Variants in LAMA2 observed in about 807,000 individuals in gnomAD.
The protein encoded by LAMA2 is laminin subunit alpha-2.
A neutral mutation model predicts 364.8 loss-of-function variants in LAMA2; 269 were observed. The ratio of observed to expected loss-of-function variants is 0.74; its 90% CI spans 0.67 to 0.82. The LOEUF is 0.82. Ranked by LOEUF, LAMA2 falls within the 40% of genes least tolerant of loss-of-function variation. The pLI is 0.00. For synonymous variants in LAMA2, 1,379 were observed against 1,370.6 expected (o/e 1.01, Z -0.14); for missense variants, 3,807 against 3,873.2 (o/e 0.98, Z 0.45).
rs147220630 is a variant in LAMA2 at position 129,055,294 on chromosome 6, C to T, written c.284-4490C>T. Among the ~76,000 whole-genome samples the T allele has an allele frequency of 2.2e-4, 33 of 151,716 alleles. No individual in the cohort carries two copies. In the East Asian group the frequency reaches 4.1e-3, roughly 19 times the overall value. ...GCAACCTTCGCCTCCCAGGTTCAAG[C>T]GATTCTCAAGCCTCAGCCTCCTGAG... On this transcript the variant is annotated intron_variant, in intron 2 of 64. Transcript: ENST00000421865.
chr6:129,144,272 G>C (rs1032230559), intron 5 of LAMA2, among the ~76,000 whole-genome samples, 192 bp downstream of exon 5: 4 of 151,898 alleles, frequency 2.6e-5, no homozygotes, highest in Non-Finnish European at 5.9e-5. Context: ...GATCCAAGCT[G>C]TGCCGCTTAT....
chr6:129,308,200 A>AT (rs1325950320), intron 22 of LAMA2, among the ~76,000 whole-genome samples: 1 of 152,218 alleles, frequency 6.6e-6, no homozygotes, highest in Non-Finnish European at 1.5e-5. Flanking sequence ...AGAGAGCTAC[A>AT]TTTTTAGAAA....
intron 4 of LAMA2, among the ~76,000 whole-genome samples, chr6:129,122,914 T>A (rs1449085524): frequency 6.6e-6 from 1 of 152,106 alleles, no homozygotes; most frequent in African/African-American, 2.4e-5. Flanking sequence ...TTAAATAAGA[T>A]AAGCTTAAAT....
At chr6:129,138,041 G>A (rs115568340) in intron 4 of LAMA2, among the ~76,000 whole-genome samples, 1,655 of 152,094 alleles carry the variant, frequency 0.011, 13 homozygotes, top group Non-Finnish European at 0.017. Context: ...TGTGTAAATG[G>A]CAAGCAGTGA....
Position 129,486,637 on chromosome 6 carries a change from A to T in LAMA2, c.7898+15A>T. The T allele has an allele frequency of 6.2e-7, 1 of 1,609,100 alleles. No homozygotes were observed. The highest frequency in any genetic ancestry group is 2.2e-5 in the East Asian group (1 of 44,792). ...CGAACTAGAGGGTAACAATAGCACT[A>T]AAATATTTATTATTGTAACTCAGGT... is the stretch of plus-strand genomic sequence containing the variant. On this transcript the variant is annotated intron_variant, in intron 56 of 64. Transcript: ENST00000421865.
chr6:128,936,044 C>T (rs550141806), intron 1 of LAMA2, among the ~76,000 whole-genome samples: 4 of 152,306 alleles, frequency 2.6e-5, no homozygotes, highest in African/African-American at 7.2e-5. Flanking sequence ...AGGGGCTCTT[C>T]CCCCTTCGCT....
chr6:129,199,492 A>G (rs1782047141), intron 12 of LAMA2, among the ~76,000 whole-genome samples: 1 of 152,200 alleles, frequency 6.6e-6, no homozygotes, highest in Non-Finnish European at 1.5e-5. Flanking sequence ...AGATGTGGAC[A>G]GTGCAGTAGA....
At chr6:128,981,652 AG>A in intron 1 of LAMA2, among the ~76,000 whole-genome samples, 1 of 151,278 alleles carries the variant, frequency 6.6e-6, no homozygotes. Context: ...CAGGAGGCTG[AG>A]GTGGGAGGAT....
chr6:129,314,535 G>A, intron 23 of LAMA2, 120 bp from the exon 24 acceptor site: 2 of 829,246 alleles, frequency 2.4e-6, no homozygotes, highest in Admixed American at 2.0e-5. Flanking sequence ...CTAATACTCA[G>A]TGTTCTTCTG....
In LAMA2 at chr6:129,288,082, C is replaced by A. The variant is rs886038292; in HGVS notation, c.2749+24C>A. ...GCGTAAGTCCTGAACTATTGATGCC[C>A]CTGACAGAATTGATGTATTGTACCT... On this transcript the variant is annotated intron_variant, in intron 19 of 64. Transcript: ENST00000421865. 7 of 1,592,822 alleles carry A rather than the reference C, an allele frequency of 4.4e-6. No individual in the cohort carries two copies. In the Admixed American group the frequency reaches 5.0e-5, roughly 11 times the overall value.
intron 34 of LAMA2, among the ~76,000 whole-genome samples, chr6:129,373,518 A>G (rs1343969001): frequency 1.3e-5 from 2 of 152,128 alleles, no homozygotes; most frequent in Admixed American, 1.3e-4. Flanking sequence ...TTGAAATATT[A>G]CCATTAACCC....
chr6:129,475,828 CTG>C (rs544978924), intron 53 of LAMA2, among the ~76,000 whole-genome samples: 4 of 152,148 alleles, frequency 2.6e-5, no homozygotes, highest in Non-Finnish European at 5.9e-5. Flanking sequence ...AAGAATCAAA[CTG>C]TGCTCTCACA....
intron 1 of LAMA2, among the ~76,000 whole-genome samples, chr6:128,998,446 G>A (rs1314956014): frequency 5.7e-5 from 4 of 70,288 alleles, no homozygotes; most frequent in East Asian, 4.0e-4. Context: ...CAGTGTGAGC[G>A]ACGCAGAAGA....
intron 1 of LAMA2, among the ~76,000 whole-genome samples, chr6:129,035,526 T>C (rs916521790): frequency 1.7e-5 from 1 of 58,624 alleles, no homozygotes; most frequent in Non-Finnish European, 3.7e-5. Flanking sequence ...TCCCATTTGT[T>C]CATTTTTTTT....
intron 12 of LAMA2, among the ~76,000 whole-genome samples, chr6:129,236,490 A>G (rs1314850630): frequency 1.3e-5 from 2 of 152,172 alleles, no homozygotes; most frequent in Non-Finnish European, 2.9e-5. Flanking sequence ...CTTATAAAAC[A>G]CTTTTTGCTT....
intron 52 of LAMA2, 102 bp downstream of exon 52, chr6:129,473,454 C>A (rs1244649021): frequency 1.6e-5 from 19 of 1,169,116 alleles, no homozygotes; most frequent in Non-Finnish European, 2.3e-5. Context: ...TGTCATATAA[C>A]CCTTGGTTGC....
chr6:129,037,046 A>T (rs371212434), intron 1 of LAMA2, among the ~76,000 whole-genome samples: 1 of 152,192 alleles, frequency 6.6e-6, no homozygotes, highest in Non-Finnish European at 1.5e-5. Flanking sequence ...TCAGGATTTC[A>T]GCAGTCAATT....
intron 1 of LAMA2, among the ~76,000 whole-genome samples, chr6:129,035,358 A>G (rs889971015): frequency 1.7e-5 from 2 of 119,220 alleles, no homozygotes; most frequent in African/African-American, 6.3e-5. Flanking sequence ...TAATGGAGCT[A>G]TTTGTTTTTT....
At chr6:129,085,457 T>A (rs969152378) in intron 3 of LAMA2, among the ~76,000 whole-genome samples, 2 of 152,222 alleles carry the variant, frequency 1.3e-5, no homozygotes, top group African/African-American at 4.8e-5. Context: ...TTTAAAATTC[T>A]TCTCCTTTTT....
Sources: allele counts gnomAD v4.1 joint callset (sites outside exome capture counted in the v4.1 genomes callset), GRCh38; gene constraint gnomAD v4.1.1; transcripts MANE v1.5; gene names NCBI Gene and HGNC (gene_info 2026-07-23, HGNC 2026-07-21).